Variants in PHACTR3 observed in about 807,000 individuals in gnomAD.
The protein encoded by PHACTR3 is phosphatase and actin regulator 3.
Under a neutral mutation model 66.8 loss-of-function variants are expected in PHACTR3, and 16 were observed. That is an observed-to-expected ratio of 0.24 (90% CI 0.16 to 0.36). The LOEUF is 0.36. Ranked by LOEUF, PHACTR3 falls within the 10% of genes least tolerant of loss-of-function variation. PHACTR3 has a pLI of 1.00. For missense variants in PHACTR3, 647 were observed against 719.9 expected (o/e 0.90, Z 1.16); for synonymous variants, 323 against 292.1 (o/e 1.11, Z -1.08).
chr20:59,656,792 T>C (rs1222849100), intron 1 of PHACTR3, among the ~76,000 whole-genome samples: 2 of 151,950 alleles, frequency 1.3e-5, no homozygotes, highest in African/African-American at 4.8e-5. Context: ...TAATCATTTT[T>C]TAAAAATTTA....
intron 1 of PHACTR3, among the ~76,000 whole-genome samples, chr20:59,712,061 TA>T: frequency 6.6e-6 from 1 of 152,208 alleles, no homozygotes; most frequent in Non-Finnish European, 1.5e-5. Flanking sequence ...TGAAAAGTTT[TA>T]AAAATTCTTA....
chr20:59,705,792 C>T (rs1285373428), intron 1 of PHACTR3, among the ~76,000 whole-genome samples: 5 of 152,152 alleles, frequency 3.3e-5, no homozygotes, highest in African/African-American at 4.8e-5. Context: ...AGGCTGTGAG[C>T]CCAAGAATGA....
rs1287713411 is a variant in PHACTR3, at chr20:59,830,098, G to A, written c.1329-6407G>A. Among the ~76,000 whole-genome samples, 4 of 152,184 alleles carry A rather than the reference G, an allele frequency of 2.6e-5. No homozygotes were observed. The highest frequency in any genetic ancestry group is 4.4e-5 in the Non-Finnish European group (3 of 68,042). On this transcript the variant is annotated intron_variant, in intron 8 of 12. Coordinates refer to ENST00000371015, the MANE Select transcript of PHACTR3 (RefSeq NM_080672.5). This position sits in a 1 kb window ranked among gnomAD's most constrained non-coding sequence, Gnocchi z 5.8. The stretch of plus-strand genomic sequence containing the variant: ...GGTACAAACTTGGCACTGAGACGGC[G>A]TCTGATGGGAGAAGAGGGGGTGTCT...
intron 1 of PHACTR3, among the ~76,000 whole-genome samples, chr20:59,725,213 G>A (rs1442661188): frequency 6.8e-6 from 1 of 146,082 alleles, no homozygotes; most frequent in African/African-American, 2.8e-5. Flanking sequence ...CAGTGAGGTT[G>A]TGAGCCCAGG....
chr20:59,792,871 A>G (rs982896755), intron 7 of PHACTR3, among the ~76,000 whole-genome samples: 1 of 152,052 alleles, frequency 6.6e-6, no homozygotes, highest in African/African-American at 2.4e-5. Context: ...ATAGCTTTGT[A>G]GTATATCTAT....
chr20:59,658,168 TTCTA>T (rs1479332381), intron 1 of PHACTR3, among the ~76,000 whole-genome samples: 1 of 152,154 alleles, frequency 6.6e-6, no homozygotes, highest in Non-Finnish European at 1.5e-5. Flanking sequence ...TTTAAATAAT[TTCTA>T]TCTCTTTATT....
intron 1 of PHACTR3, among the ~76,000 whole-genome samples, chr20:59,692,671 G>T (rs1038836664): frequency 6.6e-6 from 1 of 152,218 alleles, no homozygotes; most frequent in Non-Finnish European, 1.5e-5. Context: ...AGCACAAAAG[G>T]CCTGGTTCCC....
At chr20:59,797,750 A>C (rs1331594167) in intron 7 of PHACTR3, among the ~76,000 whole-genome samples, 2 of 152,038 alleles carry the variant, frequency 1.3e-5, no homozygotes, top group Admixed American at 1.3e-4. Flanking sequence ...TCCTTTTTTC[A>C]GTTTGTGAAT....
intron 1 of PHACTR3, among the ~76,000 whole-genome samples, chr20:59,647,773 G>T (rs2035333367): frequency 6.6e-6 from 1 of 152,096 alleles, no homozygotes; most frequent in Non-Finnish European, 1.5e-5. Flanking sequence ...TCAGAATTAA[G>T]CTCCCTGGAT....
chr20:59,623,368 T>C (rs1016544601), intron 1 of PHACTR3, among the ~76,000 whole-genome samples: 1 of 152,036 alleles, frequency 6.6e-6, no homozygotes, highest in Non-Finnish European at 1.5e-5. Flanking sequence ...GCAGCTGTTG[T>C]GGGGGTTAAA....
chr20:59,665,234 G>GCT (rs1294409290), intron 1 of PHACTR3, among the ~76,000 whole-genome samples: 2 of 152,110 alleles, frequency 1.3e-5, no homozygotes, highest in Non-Finnish European at 2.9e-5. Flanking sequence ...CAAGTATGTG[G>GCT]CTCTCTCTCT....
intron 1 of PHACTR3, among the ~76,000 whole-genome samples, chr20:59,637,346 G>C (rs957411172): frequency 6.6e-6 from 1 of 152,202 alleles, no homozygotes; most frequent in African/African-American, 2.4e-5. Context: ...TTCTGCTGTA[G>C]GTTAAAGAAA....
intron 8 of PHACTR3, among the ~76,000 whole-genome samples, chr20:59,831,491 T>C (rs552826959): frequency 6.6e-6 from 1 of 152,278 alleles, no homozygotes; most frequent in South Asian, 2.1e-4. Flanking sequence ...GAGTCAGAAA[T>C]AGACTGTGGC....
chr20:59,752,544 C>G (rs140013511), intron 3 of PHACTR3, among the ~76,000 whole-genome samples: 2 of 32,346 alleles, frequency 6.2e-5, no homozygotes, highest in African/African-American at 1.5e-4. Context: ...GAGCTCTGAC[C>G]GCAGCCCAGA....
chr20:59,771,301 G>A (rs762719078), intron 5 of PHACTR3, among the ~76,000 whole-genome samples: 3 of 152,164 alleles, frequency 2.0e-5, no homozygotes, highest in African/African-American at 4.8e-5. Context: ...TGTCACCTGC[G>A]TGTGCTCAGG....
At chr20:59,811,009 C>T (rs1265063037) in intron 8 of PHACTR3, among the ~76,000 whole-genome samples, 1 of 152,242 alleles carries the variant, frequency 6.6e-6, no homozygotes, top group Non-Finnish European at 1.5e-5. Context: ...CGGCGATGTG[C>T]TTGACGTCTG....
intron 7 of PHACTR3, among the ~76,000 whole-genome samples, chr20:59,790,305 A>G (rs1042573276): frequency 6.6e-6 from 1 of 152,046 alleles, no homozygotes; most frequent in African/African-American, 2.4e-5. Context: ...TCTTCTCTAG[A>G]GAGTATCTGA....
chr20:59,776,315 C>CA (rs1374939171), intron 7 of PHACTR3, among the ~76,000 whole-genome samples: 4 of 152,162 alleles, frequency 2.6e-5, no homozygotes, highest in Non-Finnish European at 1.5e-5. Flanking sequence ...ATAGGGAGGC[C>CA]ATGTAACTGG....
intron 1 of PHACTR3, among the ~76,000 whole-genome samples, chr20:59,585,976 C>T (rs554947732): frequency 8.5e-5 from 13 of 152,272 alleles, no homozygotes; most frequent in South Asian, 2.1e-4. Context: ...ATTTTTAGAC[C>T]GTCTTGAATG....
Sources: gnomAD v4.1 joint callset for allele counts (sites outside exome capture counted in the v4.1 genomes callset) on GRCh38, gnomAD v4.1.1 for gene constraint, Gnocchi (gnomAD v3.1) non-coding constraint, MANE v1.5 for transcripts, NCBI Gene and HGNC (gene_info 2026-07-23, HGNC 2026-07-21) for gene names.